Variants in XRCC5 observed in about 807,000 individuals in gnomAD.
XRCC5 encodes the protein X-ray repair cross complementing 5.
In XRCC5, 12 loss-of-function variants were observed where a neutral mutation model predicts 95.7. That is an observed-to-expected ratio of 0.13 (90% confidence interval 0.08 to 0.20). The LOEUF (loss-of-function observed/expected upper bound fraction) is 0.20, where lower values mean the gene tolerates loss of function less well. XRCC5 is among the 10% of genes least tolerant of loss of function. XRCC5 has a pLI of 1.00. For missense variants in XRCC5, 595 were observed against 873.9 expected, an observed-to-expected ratio of 0.68 and a Z score of 4.02; for synonymous variants, 281 against 290.3, an observed-to-expected ratio of 0.97 and a Z score of 0.33.
chr2:216,176,807 T>A (rs1353445416), intron 16 of XRCC5, among the ~76,000 whole-genome samples: 1 of 152,236 alleles, frequency 6.6e-6, no homozygotes, highest in Non-Finnish European at 1.5e-5. Flanking sequence ...GATGATTGAT[T>A]TGAAACCTCT....
At chr2:216,133,821 G>A (rs1697029580) in intron 10 of XRCC5, among the ~76,000 whole-genome samples, 1 of 152,164 alleles carries the variant, frequency 6.6e-6, no homozygotes, top group South Asian at 2.1e-4. Context: ...AAGGGAGTAA[G>A]GAAACAATGT....
intron 19 of XRCC5, 93 bp from the exon 20 acceptor site, chr2:216,204,229 T>C: frequency 6.9e-7 from 1 of 1,447,274 alleles, no homozygotes; most frequent in African/African-American, 1.4e-5. Flanking sequence ...GCAGGCTGCC[T>C]TAGGTTTTGC....
intron 2 of XRCC5, among the ~76,000 whole-genome samples, chr2:216,114,907 A>C (rs12470537): frequency 0.081 from 12,279 of 152,164 alleles, 1,630 homozygotes; most frequent in African/African-American, 0.28. Context: ...CCTCTTAAGC[A>C]GTAGCAGGGC....
intron 10 of XRCC5, 128 bp from the exon 11 acceptor site, chr2:216,136,960 T>A: frequency 8.6e-7 from 1 of 1,158,814 alleles, no homozygotes; most frequent in South Asian, 2.1e-5. Flanking sequence ...CACTTCGTCC[T>A]TCAAGTCAGG....
In XRCC5 at chr2:216,126,030, C is replaced by T; in HGVS notation, c.797C>T (p.Ser266Leu). ...TCTATAAGGATTGCAGCCTATAAAT[C>T]GGTAAGTGGCAGGTACACATTTTTA... ...NLSIRIAAYKSILQERVKKTW... is the reference protein window; with the variant it reads ...NLSIRIAAYKLILQERVKKTW... The change falls in exon 7 of 21, where the codon TCG becomes TTG. Residue 266 changes from serine (S) to leucine (L), a missense_variant and splice_region_variant. Physicochemically the swap from Ser to Leu is moderately radical, Grantham distance 145. Transcript: ENST00000392132. The T allele has an allele frequency of 2.5e-6, 4 of 1,609,278 alleles. No homozygotes were observed. Among genetic ancestry groups the T allele is most frequent in the Non-Finnish European group, 3.4e-6 (4 of 1,175,998 alleles).
In XRCC5 at chr2:216,156,734, A is replaced by G. The variant is rs1454301509; in HGVS notation, c.1671-3334A>G. ...CAGCTGCACAAGATTTATTCCTCAA[A>G]TGAGGATTTTGCCGCTGCTCCATTG... On this transcript the variant is annotated intron_variant, in intron 14 of 20. Coordinates refer to ENST00000392132, the MANE Select transcript of XRCC5 (RefSeq NM_021141.4). The G allele has an allele frequency of 5.6e-6, 3 of 535,640 alleles. No homozygotes were observed. The African/African-American group carries it at 5.8e-5, about 10-fold the overall frequency. 33.2% of individuals were successfully genotyped at this position (535,640 alleles called of 1,614,324 possible).
chr2:216,137,326 G>C (rs1444544220), intron 11 of XRCC5, 101 bp downstream of exon 11: 1 of 1,345,468 alleles, frequency 7.4e-7, no homozygotes, highest in African/African-American at 1.5e-5. Context: ...TGGGGATCTT[G>C]TTAAAATGCA....
intron 6 of XRCC5, among the ~76,000 whole-genome samples, chr2:216,122,481 A>C (rs41299768): frequency 6.6e-6 from 1 of 152,194 alleles, no homozygotes; most frequent in Non-Finnish European, 1.5e-5. Flanking sequence ...GTGTCAGTGA[A>C]GTTCAGGAAT....
At chr2:216,157,217 CTTTT>C (rs914824211) in intron 14 of XRCC5, among the ~76,000 whole-genome samples, 1 of 115,452 alleles carries the variant, frequency 8.7e-6, no homozygotes, top group East Asian at 2.1e-4. Flanking sequence ...CAACTATTTT[CTTTT>C]TTTTTTGTTT....
intron 15 of XRCC5, among the ~76,000 whole-genome samples, 173 bp from the exon 16 acceptor site, chr2:216,161,806 C>T (rs1244824700): frequency 2.6e-5 from 4 of 152,256 alleles, no homozygotes; most frequent in African/African-American, 9.6e-5. Context: ...CCACTGAAAT[C>T]TGCCGGCCTT....
intron 12 of XRCC5, 55 bp from the exon 13 acceptor site, chr2:216,141,131 G>A (rs1697163389): frequency 6.2e-7 from 1 of 1,605,028 alleles, no homozygotes; most frequent in Non-Finnish European, 8.5e-7. Flanking sequence ...GAAAGCATTT[G>A]TTTTAGTGGA....
intron 14 of XRCC5, among the ~76,000 whole-genome samples, chr2:216,151,210 AT>A (rs1688738070): frequency 6.6e-6 from 1 of 152,230 alleles, no homozygotes; most frequent in African/African-American, 2.4e-5. Flanking sequence ...TAAGAGCACC[AT>A]TTGACACTGT....
chr2:216,148,996 AT>A (rs1688693684), intron 14 of XRCC5, among the ~76,000 whole-genome samples: 1 of 152,130 alleles, frequency 6.6e-6, no homozygotes, highest in South Asian at 2.1e-4. Context: ...TCAACCAGTT[AT>A]TGGTGACTTT....
chr2:216,109,385 A>C lies in XRCC5; in HGVS notation c.-52A>C. ...TTGTCCACCGGAAGCGAGTTGCGAC[A>C]CGGCAGGTTCCCGCCCGGAAGAAGC... On this transcript the variant is annotated 5_prime_UTR_variant, in exon 1 of 21. Coordinates refer to ENST00000392132, the MANE Select transcript of XRCC5 (RefSeq NM_021141.4). 1 of 1,612,810 alleles carries C rather than the reference A, an allele frequency of 6.2e-7. No homozygotes were observed. Among genetic ancestry groups the C allele is most frequent in the Non-Finnish European group, 8.5e-7 (1 of 1,179,464 alleles).
intron 17 of XRCC5, among the ~76,000 whole-genome samples, chr2:216,190,796 C>G (rs1689601083): frequency 6.6e-6 from 1 of 152,086 alleles, no homozygotes; most frequent in African/African-American, 2.4e-5. Flanking sequence ...TCCTCCCATG[C>G]CTTTTGTGTG....
chr2:216,161,827 C>T, intron 15 of XRCC5, 152 bp from the exon 16 acceptor site: 1 of 662,396 alleles, frequency 1.5e-6, no homozygotes, highest in Non-Finnish European at 2.6e-6. Flanking sequence ...TCACAGAGCC[C>T]TAGAAATGAA....
chr2:216,150,541 C>G (rs1259798706), intron 14 of XRCC5, among the ~76,000 whole-genome samples: 1 of 152,148 alleles, frequency 6.6e-6, no homozygotes, highest in Non-Finnish European at 1.5e-5. Context: ...CTTTTGTCCT[C>G]AAGGTACAAA....
At chr2:216,182,881 T>C (rs1689415348) in intron 16 of XRCC5, among the ~76,000 whole-genome samples, 3 of 152,212 alleles carry the variant, frequency 2.0e-5, no homozygotes, top group Admixed American at 1.3e-4. Flanking sequence ...TTAAACTGAA[T>C]ATTTTTAATA....
intron 17 of XRCC5, among the ~76,000 whole-genome samples, chr2:216,190,553 C>T (rs546506708): frequency 1.8e-4 from 27 of 152,108 alleles, no homozygotes; most frequent in African/African-American, 6.0e-4. Context: ...GTGTTTTATC[C>T]CTGAAAGTTG....
Sources: gnomAD v4.1 joint callset for allele counts (sites outside exome capture counted in the v4.1 genomes callset) on GRCh38, gnomAD v4.1.1 for gene constraint, MANE v1.5 for transcripts, NCBI Gene and HGNC (gene_info 2026-07-23, HGNC 2026-07-21) for gene names.